Variants in ASIC2 observed in about 807,000 individuals in gnomAD.
ASIC2 encodes acid sensing ion channel subunit 2.
In ASIC2, 25 loss-of-function variants were observed where a neutral mutation model predicts 57.3. The ratio of observed to expected loss-of-function variants is 0.44; its 90% CI spans 0.32 to 0.61. The LOEUF (loss-of-function observed/expected upper bound fraction) is 0.61, where lower values mean the gene tolerates loss of function less well. Among genes scored for constraint, ASIC2 ranks in the 20% least tolerant of loss-of-function variants. The pLI is 0.06. For missense variants in ASIC2, 641 were observed against 738.1 expected, an observed-to-expected ratio of 0.87 and a Z score of 1.52; for synonymous variants, 319 against 307.5, an observed-to-expected ratio of 1.04 and a Z score of -0.39.
At chr17:33,186,218 C>T (rs1374909889) in intron 1 of ASIC2, among the ~76,000 whole-genome samples, 1 of 152,058 alleles carries the variant, frequency 6.6e-6, no homozygotes, top group African/African-American at 2.4e-5. Flanking sequence ...TCAAGTGATT[C>T]TCCTGCCTCA....
chr17:33,417,753 C>T (rs1910899461), intron 1 of ASIC2, among the ~76,000 whole-genome samples: 1 of 152,126 alleles, frequency 6.6e-6, no homozygotes, highest in Non-Finnish European at 1.5e-5. Context: ...GGACAGTTGC[C>T]ACTTTATGAT....
chr17:33,447,435 G>C (rs1238736641), intron 1 of ASIC2, among the ~76,000 whole-genome samples: 1 of 152,184 alleles, frequency 6.6e-6, no homozygotes, highest in Admixed American at 6.5e-5. Flanking sequence ...AGATATGTCA[G>C]GAGATGGGAA....
At chr17:33,386,014 T>C (rs1270779057) in intron 1 of ASIC2, among the ~76,000 whole-genome samples, 2 of 152,358 alleles carry the variant, frequency 1.3e-5, no homozygotes, top group African/African-American at 4.8e-5. Context: ...CAGTTGTCTG[T>C]TACTATACAC....
intron 1 of ASIC2, among the ~76,000 whole-genome samples, chr17:33,954,198 T>C (rs1904664222): frequency 6.6e-6 from 1 of 152,216 alleles, no homozygotes; most frequent in African/African-American, 2.4e-5. Flanking sequence ...GGAGGTGGGA[T>C]GCAGCAGCGG....
At chr17:33,433,459 A>C (rs1338390445) in intron 1 of ASIC2, among the ~76,000 whole-genome samples, 1 of 152,220 alleles carries the variant, frequency 6.6e-6, no homozygotes, top group Non-Finnish European at 1.5e-5. Context: ...TATTAGGCTT[A>C]ATACCTTGAT....
At position 33,976,299 on chromosome 17, in the gene ASIC2, G is replaced by A. The variant is rs368776065; in HGVS notation, c.555+179679C>T. ...CTAATTCAGTCTCAGACTTCTGGTT[G>A]TGGAATGCCTGCCCTTTATTTCCAT... On this transcript the variant is annotated intron_variant, in intron 1 of 9. Transcript: ENST00000359872. Among the ~76,000 whole-genome samples the A allele has an allele frequency of 1.9e-4, 29 of 152,178 alleles. 1 individual carries two copies. In the South Asian group the frequency reaches 4.4e-3, roughly 23 times the overall value.
intron 1 of ASIC2, among the ~76,000 whole-genome samples, chr17:33,920,484 C>T (rs1915685653): frequency 6.6e-6 from 1 of 152,096 alleles, no homozygotes; most frequent in Non-Finnish European, 1.5e-5. Context: ...CAGGTTCTCA[C>T]TTATATGGGG....
At chr17:33,495,203 G>A (rs1913889291) in intron 1 of ASIC2, among the ~76,000 whole-genome samples, 1 of 152,160 alleles carries the variant, frequency 6.6e-6, no homozygotes, top group Admixed American at 6.5e-5. Flanking sequence ...TGTGCCCTGG[G>A]GGGCTAGCTT....
chr17:33,912,478 C>T (rs1459005200), intron 1 of ASIC2, among the ~76,000 whole-genome samples: 1 of 151,674 alleles, frequency 6.6e-6, no homozygotes, highest in Admixed American at 6.6e-5. Flanking sequence ...GACCCTCCAT[C>T]TCAAAACAAA....
At chr17:33,800,589 T>C (rs528155471) in intron 1 of ASIC2, among the ~76,000 whole-genome samples, 3 of 152,268 alleles carry the variant, frequency 2.0e-5, no homozygotes, top group South Asian at 4.2e-4. Flanking sequence ...GGGTAGTTGT[T>C]AAACATGTAA....
At chr17:33,137,208 T>C (rs2092370298) in intron 1 of ASIC2, among the ~76,000 whole-genome samples, 2 of 152,216 alleles carry the variant, frequency 1.3e-5, no homozygotes, top group Non-Finnish European at 2.9e-5. Context: ...ATGAGATGCT[T>C]AAAGGAAGAA....
chr17:33,554,517 G>A (rs1339550791), intron 1 of ASIC2, among the ~76,000 whole-genome samples: 1 of 152,158 alleles, frequency 6.6e-6, no homozygotes, highest in African/African-American at 2.4e-5. Flanking sequence ...GATGTGGGAA[G>A]AGCACATGCA....
At chr17:33,809,341 A>T (rs532261093) in intron 1 of ASIC2, among the ~76,000 whole-genome samples, 1 of 152,348 alleles carries the variant, frequency 6.6e-6, no homozygotes, top group African/African-American at 2.4e-5. Context: ...CGAAAGAGGT[A>T]GTGGTTGCTT....
chr17:33,842,347 G>C (rs1340870416), intron 1 of ASIC2, among the ~76,000 whole-genome samples: 1 of 152,168 alleles, frequency 6.6e-6, no homozygotes, highest in Non-Finnish European at 1.5e-5. Context: ...AGGTTGCCTA[G>C]ATTCCCCAGC....
At chr17:33,131,336 A>G (rs2092345254) in intron 1 of ASIC2, among the ~76,000 whole-genome samples, 2 of 152,156 alleles carry the variant, frequency 1.3e-5, no homozygotes, top group Non-Finnish European at 1.5e-5. Flanking sequence ...TTTAGGAGTA[A>G]TTGCTGGGGC....
At chr17:33,461,118 C>T (rs903401412) in intron 1 of ASIC2, among the ~76,000 whole-genome samples, 1 of 152,196 alleles carries the variant, frequency 6.6e-6, no homozygotes, top group Non-Finnish European at 1.5e-5. Context: ...ATGTAACCAA[C>T]CCACTTCCAC....
chr17:33,349,271 A>G (rs994348967), intron 1 of ASIC2, among the ~76,000 whole-genome samples: 3 of 152,234 alleles, frequency 2.0e-5, no homozygotes, highest in Admixed American at 2.0e-4. Context: ...AAAAATGTAA[A>G]ATGCTCTGTG....
At chr17:33,106,370 G>C (rs542534153) in intron 2 of ASIC2, among the ~76,000 whole-genome samples, 1 of 152,122 alleles carries the variant, frequency 6.6e-6, no homozygotes, top group Non-Finnish European at 1.5e-5. Context: ...GGGAAATCAG[G>C]GCAGATTGTA....
At chr17:33,130,053 ACT>A (rs1010874396) in intron 1 of ASIC2, among the ~76,000 whole-genome samples, 10 of 151,278 alleles carry the variant, frequency 6.6e-5, no homozygotes, top group African/African-American at 2.2e-4. Context: ...CACACACTGA[ACT>A]CTCTCCGTAT....
Sources: gnomAD v4.1 joint callset for allele counts (sites outside exome capture counted in the v4.1 genomes callset) on GRCh38, gnomAD v4.1.1 for gene constraint, MANE v1.5 for transcripts, NCBI Gene and HGNC (gene_info 2026-07-23, HGNC 2026-07-21) for gene names.